The following MAGI1 variants were observed in gnomAD, a reference collection of about 807,000 sequenced individuals.
MAGI1 encodes membrane associated guanylate kinase, WW and PDZ domain containing 1.
Under a neutral mutation model 139.9 loss-of-function variants are expected in MAGI1, and 58 were observed. The observed-to-expected ratio is 0.41, with a 90% CI of 0.34 to 0.52. The LOEUF (loss-of-function observed/expected upper bound fraction) is 0.52. MAGI1 is among the 20% of genes least tolerant of loss of function. The pLI is 0.12. For synonymous variants in MAGI1, 812 were observed against 737.9 expected (o/e 1.10, Z -1.63); for missense variants, 1,874 against 1,901.6 (o/e 0.99, Z 0.27).
intron 12 of MAGI1, among the ~76,000 whole-genome samples, chr3:65,415,317 A>G (rs1481914149): frequency 6.6e-6 from 1 of 152,212 alleles, no homozygotes; most frequent in Non-Finnish European, 1.5e-5. Flanking sequence ...CTTAAGCTCC[A>G]TTCAATATGA....
chr3:65,915,923 T>C (rs2061879224), intron 1 of MAGI1, among the ~76,000 whole-genome samples: 1 of 151,558 alleles, frequency 6.6e-6, no homozygotes, highest in Non-Finnish European at 1.5e-5. Context: ...TTTGTGTATT[T>C]ATTATCATTT....
chr3:65,690,447 C>T (rs141657254), intron 1 of MAGI1, among the ~76,000 whole-genome samples: 1 of 151,966 alleles, frequency 6.6e-6, no homozygotes, highest in Admixed American at 6.6e-5. Flanking sequence ...TTTTTTTAGT[C>T]AAAAACAGCA....
chr3:65,751,948 T>C (rs2036189081), intron 1 of MAGI1, among the ~76,000 whole-genome samples: 1 of 152,202 alleles, frequency 6.6e-6, no homozygotes, highest in African/African-American at 2.4e-5. Flanking sequence ...TTTTTTCGTT[T>C]GTTTGTTTTT....
At chr3:65,968,623 G>A (rs2064873892) in intron 1 of MAGI1, among the ~76,000 whole-genome samples, 1 of 151,028 alleles carries the variant, frequency 6.6e-6, no homozygotes, top group Non-Finnish European at 1.5e-5. Context: ...TTTTTTTAAA[G>A]GCGAGCAAGA....
chr3:65,751,084 A>G (rs921747294), intron 1 of MAGI1, among the ~76,000 whole-genome samples: 1 of 152,238 alleles, frequency 6.6e-6, no homozygotes, highest in African/African-American at 2.4e-5. Context: ...TATTGTGTGC[A>G]CACGTGCCTG....
intron 1 of MAGI1, among the ~76,000 whole-genome samples, chr3:66,037,626 C>G (rs2069008892): frequency 6.6e-6 from 1 of 152,182 alleles, no homozygotes; most frequent in Admixed American, 6.5e-5. Context: ...CCAAAGAACG[C>G]CAGCTGCATC....
intron 1 of MAGI1, among the ~76,000 whole-genome samples, chr3:65,949,928 A>G (rs2063716621): frequency 6.6e-6 from 1 of 151,656 alleles, no homozygotes; most frequent in Non-Finnish European, 1.5e-5. Context: ...ATGTGCCTAT[A>G]TTCCCAGCTA....
At chr3:65,502,946 G>C (rs999517061) in intron 2 of MAGI1, among the ~76,000 whole-genome samples, 2 of 152,144 alleles carry the variant, frequency 1.3e-5, no homozygotes, top group South Asian at 4.1e-4. Context: ...GTGGAGAGAG[G>C]GGGTAAAAAT....
chr3:65,821,107 T>C (rs2041927665), intron 1 of MAGI1, among the ~76,000 whole-genome samples: 1 of 151,612 alleles, frequency 6.6e-6, no homozygotes. Context: ...GGTGCATGGG[T>C]GCTAGTTACA....
rs1014449135 is a variant in MAGI1, at chr3:65,968,930, G to A, written c.313+69066C>T. Among the ~76,000 whole-genome samples the A allele has an allele frequency of 2.0e-5, 3 of 152,102 alleles. No homozygotes were observed. The South Asian group carries it at 6.2e-4, about 32-fold the overall frequency. On this transcript the variant is annotated intron_variant, in intron 1 of 22. Transcript: ENST00000402939. ...TCGTATGCTAAACATTTGATGAGAC[G>A]ACCTTAAATCCAAGGTAGTCAGAGA...
In MAGI1 at chr3:65,437,056, A is replaced by C. The variant is rs1486368581; in HGVS notation, c.1363+99T>G. 5 of 643,344 alleles carry C rather than the reference A, an allele frequency of 7.8e-6. No individual in the cohort carries two copies. The East Asian group carries it at 1.4e-4, about 18-fold the overall frequency. 39.9% of individuals were successfully genotyped at this position (643,344 alleles called of 1,614,324 possible). The stretch of plus-strand genomic sequence containing the variant: ...ATTTATGGTTTTCACTATCAAAGGA[A>C]TGACTTGGGAGTTACGAGATTCCAC... On this transcript the variant is annotated intron_variant, in intron 10 of 22. Coordinates refer to ENST00000402939, the MANE Select transcript of MAGI1 (RefSeq NM_001033057.2).
At chr3:65,978,138 C>T (rs1308973781) in intron 1 of MAGI1, among the ~76,000 whole-genome samples, 2 of 152,202 alleles carry the variant, frequency 1.3e-5, no homozygotes, top group Non-Finnish European at 1.5e-5. Flanking sequence ...CTAAAGCTTA[C>T]ACTGTATGGA....
At chr3:65,688,326 A>G (rs2088255362) in intron 1 of MAGI1, 6 of 701,630 alleles carry the variant, frequency 8.6e-6, no homozygotes, top group South Asian at 1.3e-5. Context: ...TACTTCTGAA[A>G]TATCTACCTG....
chr3:65,693,608 C>G (rs1408360804), intron 1 of MAGI1, among the ~76,000 whole-genome samples: 1 of 152,202 alleles, frequency 6.6e-6, no homozygotes, highest in Non-Finnish European at 1.5e-5. Flanking sequence ...AAAGAGGAAT[C>G]CAGGTTAGCC....
At chr3:65,687,397 T>G (rs2088147406) in intron 1 of MAGI1, 1 of 352,048 alleles carries the variant, frequency 2.8e-6, no homozygotes, top group Non-Finnish European at 5.8e-6. Flanking sequence ...ATATCCCGTT[T>G]GATTTCTATT....
At chr3:65,952,597 G>A (rs1214349824) in intron 1 of MAGI1, among the ~76,000 whole-genome samples, 1 of 152,122 alleles carries the variant, frequency 6.6e-6, no homozygotes, top group Non-Finnish European at 1.5e-5. Flanking sequence ...GGTGGATCAC[G>A]AGATCAGGAG....
At chr3:65,719,659 C>T (rs62243980) in intron 1 of MAGI1, among the ~76,000 whole-genome samples, 17,434 of 151,914 alleles carry the variant, frequency 0.11, 1,437 homozygotes, top group Non-Finnish European at 0.17. Flanking sequence ...GATCCTCCCA[C>T]CTCAGCCTCC....
Position 65,364,992 on chromosome 3 carries a change from A to T in MAGI1, c.3197-46T>A, listed in dbSNP as rs549631417. On this transcript the variant is annotated intron_variant, in intron 18 of 22. Coordinates refer to ENST00000402939, the MANE Select transcript of MAGI1 (RefSeq NM_001033057.2). ...TAAAGAAATGAAGACCCCAGAGAAG[A>T]CATCCTCCAGCCAGGAGGTGTGCAG... 46 of 1,514,530 alleles carry T rather than the reference A, an allele frequency of 3.0e-5. No individual in the cohort carries two copies. The African/African-American group carries it at 3.3e-4, about 11-fold the overall frequency. The allele number at this position is 1,514,530 out of a possible 1,614,324, so 93.8% of individuals were successfully genotyped here.
At chr3:65,502,804 T>C (rs1338510654) in intron 2 of MAGI1, among the ~76,000 whole-genome samples, 3 of 152,114 alleles carry the variant, frequency 2.0e-5, no homozygotes, top group African/African-American at 7.2e-5. Flanking sequence ...GAAGGGTGCG[T>C]TGAAGCAGAA....
Sources: gnomAD v4.1 joint callset for allele counts (sites outside exome capture counted in the v4.1 genomes callset) on GRCh38, gnomAD v4.1.1 for gene constraint, MANE v1.5 for transcripts, NCBI Gene and HGNC (gene_info 2026-07-23, HGNC 2026-07-21) for gene names.